NRF1: variants seen among roughly 807,000 people sequenced by gnomAD.
The protein encoded by NRF1 is alpha palindromic-binding protein.
Under a neutral mutation model 58.5 loss-of-function variants are expected in NRF1, and 5 were observed. The observed-to-expected ratio is 0.09, with a 90% CI of 0.04 to 0.18. The LOEUF is 0.18. Among genes scored for constraint, NRF1 ranks in the 10% least tolerant of loss-of-function variants. The pLI is 1.00. For synonymous variants in NRF1, 224 were observed against 246.7 expected (o/e 0.91, Z 0.86); for missense variants, 288 against 657.7 (o/e 0.44, Z 6.15).
chr7:129,663,941 A>G (rs1291146649), intron 2 of NRF1, among the ~76,000 whole-genome samples: 1 of 152,180 alleles, frequency 6.6e-6, no homozygotes, highest in Non-Finnish European at 1.5e-5. Flanking sequence ...TCCGGTCAAC[A>G]CGGCGAAACC....
At chr7:129,618,035 C>T (rs1800692514) in intron 1 of NRF1, among the ~76,000 whole-genome samples, 1 of 152,074 alleles carries the variant, frequency 6.6e-6, no homozygotes, top group East Asian at 1.9e-4. Context: ...AGTAGGACAT[C>T]CACTATGGTT....
intron 2 of NRF1, among the ~76,000 whole-genome samples, chr7:129,665,209 G>T (rs527735536): frequency 1.6e-4 from 25 of 152,338 alleles, no homozygotes; most frequent in South Asian, 1.5e-3. Flanking sequence ...TTGGAGCCTT[G>T]TGAGGCAGGC....
intron 10 of NRF1, among the ~76,000 whole-genome samples, chr7:129,751,058 G>A (rs564302325): frequency 1.3e-5 from 2 of 152,310 alleles, no homozygotes; most frequent in African/African-American, 2.4e-5. Flanking sequence ...GAATGAGGCC[G>A]CTGTCTCCAA....
intron 1 of NRF1, among the ~76,000 whole-genome samples, chr7:129,655,372 T>C (rs1224844799): frequency 6.6e-6 from 1 of 152,216 alleles, no homozygotes; most frequent in African/African-American, 2.4e-5. Context: ...TCAACAATCA[T>C]GTCATCTATG....
intron 10 of NRF1, among the ~76,000 whole-genome samples, chr7:129,744,802 T>C (rs1217543649): frequency 6.6e-6 from 1 of 152,050 alleles, no homozygotes; most frequent in Non-Finnish European, 1.5e-5. Flanking sequence ...TTTTTTGTGG[T>C]TTTTTTCCTA....
intron 1 of NRF1, among the ~76,000 whole-genome samples, chr7:129,628,946 A>G (rs547459953): frequency 1.5e-4 from 23 of 152,366 alleles, no homozygotes; most frequent in Non-Finnish European, 3.1e-4. Context: ...AAATATTGAC[A>G]CAAAAATCAC....
intron 5 of NRF1, among the ~76,000 whole-genome samples, chr7:129,707,073 A>G (rs1057513169): frequency 2.6e-5 from 4 of 152,102 alleles, no homozygotes. Context: ...GGCTCACTGC[A>G]TCCTTGACCT....
chr7:129,663,447 C>T (rs549119053), intron 2 of NRF1, among the ~76,000 whole-genome samples: 144 of 148,022 alleles, frequency 9.7e-4, no homozygotes, highest in Non-Finnish European at 1.8e-3. Flanking sequence ...TCCTCACATC[C>T]CAGACAATGG....
At chr7:129,674,253 G>A (rs1802123971) in intron 3 of NRF1, among the ~76,000 whole-genome samples, 1 of 152,012 alleles carries the variant, frequency 6.6e-6, no homozygotes, top group African/African-American at 2.4e-5. Flanking sequence ...TAAAAGCATA[G>A]GTATACCTCA....
At chr7:129,746,872 A>G (rs1041856824) in intron 10 of NRF1, among the ~76,000 whole-genome samples, 4 of 152,202 alleles carry the variant, frequency 2.6e-5, no homozygotes, top group South Asian at 2.1e-4. Context: ...ACAGCCATCA[A>G]TATTTTTCTC....
intron 1 of NRF1, 96 bp downstream of exon 1, chr7:129,611,920 G>T (rs1193815547): frequency 1.3e-5 from 2 of 148,542 alleles, no homozygotes. Context: ...CCCGCAGCCG[G>T]CACCCTGCCG....
intron 1 of NRF1, among the ~76,000 whole-genome samples, chr7:129,626,984 AAACT>A (rs1181290542): frequency 6.6e-6 from 1 of 152,228 alleles, no homozygotes; most frequent in Non-Finnish European, 1.5e-5. Flanking sequence ...TAAAATATTC[AAACT>A]AACTAGGTTA....
chr7:129,714,910 A>T (rs1462955516), intron 8 of NRF1, among the ~76,000 whole-genome samples: 2 of 152,180 alleles, frequency 1.3e-5, no homozygotes, highest in East Asian at 3.8e-4. Context: ...AGGCCCCAGC[A>T]ATGTGAAGCA....
chr7:129,753,506 T>C (rs564869729), intron 10 of NRF1, among the ~76,000 whole-genome samples: 1 of 152,330 alleles, frequency 6.6e-6, no homozygotes, highest in Non-Finnish European at 1.5e-5. Context: ...TTGACATCCC[T>C]CGGTTATATC....
In NRF1 at chr7:129,706,929, T is replaced by C. The variant is rs114839649; in HGVS notation, c.607-2146T>C. ...TGCTTTCTGATCACTTTAGGATTTC[T>C]GTTTTGTTTGTTTGGTTTAAGACAG... On this transcript the variant is annotated intron_variant, in intron 5 of 10. Transcript: ENST00000393232. 4.2e-3 allele frequency among the ~76,000 whole-genome samples: 642 copies of C among 152,276 alleles called. 5 individuals carry two copies. The highest frequency in any genetic ancestry group is 0.015 in the African/African-American group (611 of 41,562).
chr7:129,628,357 AAATAT>A (rs1299475758), intron 1 of NRF1, among the ~76,000 whole-genome samples: 3 of 151,732 alleles, frequency 2.0e-5, no homozygotes, highest in African/African-American at 7.3e-5. Flanking sequence ...TGAGGACTCC[AAATAT>A]AATAGCTTTT....
chr7:129,630,664 G>T (rs1265452855), intron 1 of NRF1, among the ~76,000 whole-genome samples: 1 of 152,084 alleles, frequency 6.6e-6, no homozygotes, highest in African/African-American at 2.4e-5. Context: ...GGAAACCTTT[G>T]TTTTCTATAA....
intron 5 of NRF1, among the ~76,000 whole-genome samples, chr7:129,691,876 C>T (rs1802577824): frequency 1.3e-5 from 2 of 152,058 alleles, no homozygotes; most frequent in South Asian, 2.1e-4. Flanking sequence ...ACCTGATCAT[C>T]GATATGCTGT....
intron 5 of NRF1, among the ~76,000 whole-genome samples, chr7:129,702,926 G>C (rs1347680664): frequency 1.3e-5 from 2 of 152,202 alleles, no homozygotes; most frequent in African/African-American, 2.4e-5. Flanking sequence ...AGCAAAGATA[G>C]AGGGAACAAG....
Sources: allele counts gnomAD v4.1 joint callset (sites outside exome capture counted in the v4.1 genomes callset), GRCh38; gene constraint gnomAD v4.1.1; transcripts MANE v1.5; gene names NCBI Gene and HGNC (gene_info 2026-07-23, HGNC 2026-07-21).